The following PLXDC2 variants were observed in gnomAD, a reference collection of about 807,000 sequenced individuals.
PLXDC2 encodes plexin domain containing 2, also known as plexin domain-containing protein 2.
In PLXDC2, 40 loss-of-function variants were observed where a neutral mutation model predicts 68.9. That is an observed-to-expected ratio of 0.58 (90% CI 0.45 to 0.76). The LOEUF (loss-of-function observed/expected upper bound fraction) is 0.76, where lower values mean the gene tolerates loss of function less well. PLXDC2 is among the 30% of genes least tolerant of loss of function. The pLI, the probability that PLXDC2 is intolerant of heterozygous loss-of-function variation, is 0.00. For synonymous variants in PLXDC2, 243 were observed against 234.2 expected (o/e 1.04, Z -0.34); for missense variants, 644 against 661.9 (o/e 0.97, Z 0.30).
At chr10:20,129,290 C>T (rs1205635890) in intron 4 of PLXDC2, among the ~76,000 whole-genome samples, 3 of 151,976 alleles carry the variant, frequency 2.0e-5, no homozygotes, top group Admixed American at 6.6e-5. Flanking sequence ...TGAGAAATGT[C>T]GGTTCAAGTC....
At chr10:19,877,857 C>A (rs1351412599) in intron 1 of PLXDC2, among the ~76,000 whole-genome samples, 1 of 152,236 alleles carries the variant, frequency 6.6e-6, no homozygotes, top group African/African-American at 2.4e-5. Context: ...TTCCTTCCCT[C>A]TTATTTGGTC....
chr10:19,949,525 T>C (rs1200749029), intron 1 of PLXDC2, among the ~76,000 whole-genome samples: 1 of 152,200 alleles, frequency 6.6e-6, no homozygotes, highest in Non-Finnish European at 1.5e-5. Flanking sequence ...AAATGAAATG[T>C]GATAAACAAG....
intron 1 of PLXDC2, among the ~76,000 whole-genome samples, chr10:19,909,729 A>G (rs1308841535): frequency 2.6e-5 from 4 of 152,166 alleles, no homozygotes; most frequent in Non-Finnish European, 5.9e-5. Flanking sequence ...TCTAATGCCT[A>G]TACAGAATAG....
intron 4 of PLXDC2, among the ~76,000 whole-genome samples, chr10:20,111,587 A>G (rs1190858539): frequency 1.3e-5 from 2 of 152,252 alleles, no homozygotes; most frequent in South Asian, 2.1e-4. Flanking sequence ...TGTTTTCTCA[A>G]TAAACAGTGT....
chr10:20,239,198 G>C (rs192038169), intron 12 of PLXDC2, among the ~76,000 whole-genome samples: 1 of 152,044 alleles, frequency 6.6e-6, no homozygotes, highest in African/African-American at 2.4e-5. Flanking sequence ...GTTTTTGTTT[G>C]CTTTTGGACA....
intron 1 of PLXDC2, among the ~76,000 whole-genome samples, chr10:19,999,831 C>T (rs2131635907): frequency 6.6e-6 from 1 of 152,298 alleles, no homozygotes; most frequent in East Asian, 1.9e-4. Context: ...AACCGTAGGT[C>T]TCAGAGCCTG....
intron 7 of PLXDC2, among the ~76,000 whole-genome samples, chr10:20,174,153 A>AC: frequency 6.6e-6 from 1 of 152,140 alleles, no homozygotes; most frequent in South Asian, 2.1e-4. Context: ...AGACTCAAGA[A>AC]CCCCCCCTCC....
At chr10:20,201,346 G>A (rs59977741) in intron 9 of PLXDC2, among the ~76,000 whole-genome samples, 31,409 of 151,834 alleles carry the variant, frequency 0.21, 4,246 homozygotes, top group East Asian at 0.4. Flanking sequence ...AAAATAAAAG[G>A]TGATTTCATG....
At position 20,068,194 on chromosome 10, in the gene PLXDC2, C is replaced by G; in HGVS notation, c.496C>G (p.Pro166Ala). ...GAGAGTGAATCTGTCCTTCGATTTT[C>G]CATTTTATGGCCACTTCCTACGTGA... The part of the protein sequence containing the change: ...AARVNLSFDF[P>A]FYGHFLREIT... The change falls in exon 4 of 14, where the codon CCA becomes GCA. Residue 166 changes from proline to alanine, a missense_variant. By Grantham distance (27) the Pro-to-Ala change is conservative. Coordinates refer to ENST00000377252, the MANE Select transcript of PLXDC2 (RefSeq NM_032812.9). 1 of 1,613,180 alleles carries G rather than the reference C, an allele frequency of 6.2e-7. No individual in the cohort carries two copies. The highest frequency in any genetic ancestry group is 8.5e-7 in the Non-Finnish European group (1 of 1,179,564).
At chr10:20,014,101 C>G (rs1030582263) in intron 2 of PLXDC2, among the ~76,000 whole-genome samples, 4 of 152,188 alleles carry the variant, frequency 2.6e-5, no homozygotes, top group Non-Finnish European at 2.9e-5. Context: ...TTCCTCAAAA[C>G]TCTATGGAAA....
At chr10:19,932,824 T>A (rs1833662902) in intron 1 of PLXDC2, among the ~76,000 whole-genome samples, 1 of 152,240 alleles carries the variant, frequency 6.6e-6, no homozygotes. Flanking sequence ...GAATTTGTTG[T>A]GCTCCATTTA....
intron 1 of PLXDC2, among the ~76,000 whole-genome samples, chr10:19,819,480 A>G (rs1378724603): frequency 3.2e-5 from 4 of 126,220 alleles, no homozygotes; most frequent in African/African-American, 1.1e-4. Context: ...AAAATTCAGT[A>G]TGGGGGGAAA....
rs187827216 is a variant in PLXDC2 at position 19,960,788 on chromosome 10, G to A, written c.113-40987G>A. On this transcript the variant is annotated intron_variant, in intron 1 of 13. Transcript: ENST00000377252. The stretch of plus-strand genomic sequence containing the variant: ...AAACATTTCATATTAAAACATGAAA[G>A]CGACACAGACCTTGAGCAATATTGC... Among the ~76,000 whole-genome samples the A allele has an allele frequency of 1.0e-3, 154 of 152,204 alleles. 1 individual carries two copies. Among genetic ancestry groups the A allele is most frequent in the Middle Eastern group, 6.8e-3 (2 of 294 alleles).
At chr10:20,165,278 CTTTCT>C (rs907764006) in intron 7 of PLXDC2, among the ~76,000 whole-genome samples, 1 of 149,230 alleles carries the variant, frequency 6.7e-6, no homozygotes, top group Admixed American at 6.7e-5. Context: ...TTTTTTTTTT[CTTTCT>C]TTTATTATTG....
chr10:20,047,608 G>A (rs1194633147), intron 3 of PLXDC2, among the ~76,000 whole-genome samples: 1 of 152,092 alleles, frequency 6.6e-6, no homozygotes, highest in African/African-American at 2.4e-5. Context: ...ATTCTGAGGT[G>A]CTTTCTGCAT....
intron 13 of PLXDC2, among the ~76,000 whole-genome samples, chr10:20,272,359 CAG>C (rs1255352933): frequency 1.3e-5 from 2 of 151,850 alleles, no homozygotes; most frequent in Non-Finnish European, 2.9e-5. Context: ...ACCAGGAGGA[CAG>C]AGTTTACTTT....
At chr10:19,942,327 T>G (rs1441573140) in intron 1 of PLXDC2, among the ~76,000 whole-genome samples, 6 of 152,244 alleles carry the variant, frequency 3.9e-5, no homozygotes, top group Admixed American at 3.9e-4. Flanking sequence ...CTGTCTGGTA[T>G]TTTGTGGTTA....
At position 19,890,667 on chromosome 10, in the gene PLXDC2, G is replaced by A. The variant is rs564640964; in HGVS notation, c.112+73476G>A. 4.1e-4 allele frequency among the ~76,000 whole-genome samples: 55 copies of A among 133,992 alleles called. No individual in the cohort carries two copies. The South Asian group carries it at 0.013, about 32-fold the overall frequency. The allele number at this position is 133,992 out of a possible 152,430, so 87.9% of individuals were successfully genotyped here. A position where few individuals can be genotyped will look rare whatever the true frequency, so the allele number is the denominator to read the frequency against. The stretch of plus-strand genomic sequence containing the variant: ...TGGGATTACAGGCGTGAGCCACCGC[G>A]CCCGGCTGCTTTTTTTTTTTTTTTT... On this transcript the variant is annotated intron_variant, in intron 1 of 13. Coordinates refer to ENST00000377252, the MANE Select transcript of PLXDC2 (RefSeq NM_032812.9).
At chr10:20,048,717 G>A (rs997467395) in intron 3 of PLXDC2, among the ~76,000 whole-genome samples, 1 of 152,018 alleles carries the variant, frequency 6.6e-6, no homozygotes, top group Non-Finnish European at 1.5e-5. Context: ...TTCTTCTTCT[G>A]TACAAATATG....
Sources: allele counts gnomAD v4.1 joint callset (sites outside exome capture counted in the v4.1 genomes callset), GRCh38; gene constraint gnomAD v4.1.1; transcripts MANE v1.5; gene names NCBI Gene and HGNC (gene_info 2026-07-23, HGNC 2026-07-21).